The following MED12L variants were observed in gnomAD, a reference collection of about 807,000 sequenced individuals.
MED12L encodes the protein mediator of RNA polymerase II transcription subunit 12-like protein.
A neutral mutation model predicts 281.3 loss-of-function variants in MED12L; 60 were observed. The observed-to-expected ratio is 0.21, with a 90% CI of 0.17 to 0.26. The LOEUF (loss-of-function observed/expected upper bound fraction) is 0.26, where lower values mean the gene tolerates loss of function less well. MED12L is among the 10% of genes least tolerant of loss of function. The pLI, the probability that MED12L is intolerant of heterozygous loss-of-function variation, is 1.00. For synonymous variants in MED12L, 974 were observed against 987.2 expected, an observed-to-expected ratio of 0.99 and a Z score of 0.25; for missense variants, 2,146 against 2,680.9, an observed-to-expected ratio of 0.80 and a Z score of 4.41.
chr3:151,129,853 C>T (rs1715116607), intron 5 of MED12L, among the ~76,000 whole-genome samples: 1 of 152,102 alleles, frequency 6.6e-6, no homozygotes, highest in South Asian at 2.1e-4. Context: ...ACTGCTTCCT[C>T]AAACTCCTGG....
At chr3:151,265,582 C>G (rs1739675465) in intron 16 of MED12L, among the ~76,000 whole-genome samples, 1 of 152,164 alleles carries the variant, frequency 6.6e-6, no homozygotes, top group African/African-American at 2.4e-5. Flanking sequence ...CAGGGTTTCT[C>G]TCTAAGAAAA....
At chr3:151,147,420 G>T (rs1576826944) in intron 5 of MED12L, among the ~76,000 whole-genome samples, 1 of 152,180 alleles carries the variant, frequency 6.6e-6, no homozygotes, top group Admixed American at 6.5e-5. Flanking sequence ...TCTACGGTCA[G>T]TGTTTTTTAG....
intron 39 of MED12L, among the ~76,000 whole-genome samples, chr3:151,408,851 G>A (rs1716635715): frequency 6.6e-6 from 1 of 152,280 alleles, no homozygotes; most frequent in Middle Eastern, 3.4e-3. Flanking sequence ...ATATGCCACC[G>A]TGTGTCTGTA....
chr3:151,121,096 T>C lies in MED12L; in HGVS notation c.205-1687T>C, dbSNP rs1713686076. ...TTGCAAATAAGAGACCTTTTGAATG[T>C]ATAGCAATCTGCAGCTGTAGGTGTT... is the stretch of plus-strand genomic sequence containing the variant. On this transcript the variant is annotated intron_variant, in intron 3 of 44. Coordinates refer to ENST00000687756, the MANE Select transcript of MED12L (RefSeq NM_001393769.1). Among the ~76,000 whole-genome samples, 6 of 152,356 alleles carry C rather than the reference T, an allele frequency of 3.9e-5. No individual in the cohort carries two copies. In the South Asian group the frequency reaches 1.2e-3, roughly 32 times the overall value.
At chr3:151,366,725 G>T (rs1004217611) in intron 23 of MED12L, among the ~76,000 whole-genome samples, 4 of 152,072 alleles carry the variant, frequency 2.6e-5, no homozygotes, top group Admixed American at 2.6e-4. Context: ...ATCAGGACTG[G>T]TTGGATAATC....
intron 2 of MED12L, among the ~76,000 whole-genome samples, chr3:151,109,104 C>T (rs983758166): frequency 6.6e-5 from 10 of 151,438 alleles, no homozygotes; most frequent in Non-Finnish European, 1.2e-4. Flanking sequence ...GTCGCCCAGG[C>T]TGGAGTGCAG....
intron 2 of MED12L, among the ~76,000 whole-genome samples, chr3:151,090,766 G>C (rs543013205): frequency 6.6e-6 from 1 of 152,158 alleles, no homozygotes; most frequent in Non-Finnish European, 1.5e-5. Context: ...AGGGCCAGGC[G>C]TGGTGGCTCA....
intron 39 of MED12L, among the ~76,000 whole-genome samples, chr3:151,405,230 C>T (rs1036371644): frequency 6.6e-6 from 1 of 152,006 alleles, no homozygotes; most frequent in Non-Finnish European, 1.5e-5. Context: ...TAGAGGTAAG[C>T]CCAAAGCAGA....
rs181362354 is a variant in MED12L, at chr3:151,258,400, G to C, written c.2250+64734G>C. Among the ~76,000 whole-genome samples, 37 of 152,232 alleles carry C rather than the reference G, an allele frequency of 2.4e-4. No homozygotes were observed. The East Asian group carries it at 6.0e-3, about 25-fold the overall frequency. Reference sequence around the variant, plus strand: ...ATAAACCAGGTGAAGAAAATTTTCTGTTATTTTCTTGAAGAATAAAATAAA... The same window carrying C: ...ATAAACCAGGTGAAGAAAATTTTCTCTTATTTTCTTGAAGAATAAAATAAA... On this transcript the variant is annotated intron_variant, in intron 16 of 44. Coordinates refer to ENST00000687756, the MANE Select transcript of MED12L (RefSeq NM_001393769.1).
At position 151,176,304 on chromosome 3, in the gene MED12L, A is replaced by T. The variant is rs190163203; in HGVS notation, c.1495-9026A>T. On this transcript the variant is annotated intron_variant, in intron 11 of 44. Transcript: ENST00000687756. ...CTGTATAACAAACATATATACCAGCAGTAATCACTGTTAATTTTGGTCCAT... is the reference window on the plus strand; with the variant it reads ...CTGTATAACAAACATATATACCAGCTGTAATCACTGTTAATTTTGGTCCAT... Among the ~76,000 whole-genome samples, 934 of 152,342 alleles carry T rather than the reference A, an allele frequency of 6.1e-3. 3 individuals carry two copies. Among genetic ancestry groups the T allele is most frequent in the Non-Finnish European group, 0.011 (721 of 68,034 alleles).
rs1345533248 is a variant in MED12L at position 151,413,201 on chromosome 3, C to A, written c.6203C>A (p.Thr2068Asn). Residue 2068 changes from threonine to asparagine, a missense_variant, in exon 42 of 45, where the codon ACT (threonine) becomes AAT (asparagine). Coordinates refer to ENST00000687756, the MANE Select transcript of MED12L (RefSeq NM_001393769.1). ...GGCGGGGGAATTGATGCTGTGCTGA[C>A]TTCTGCACATCCAAACCTTCCCTCC... ...LVGGGIDAVL[T>N]SAHPNLPSVP... 1.2e-6 allele frequency: 2 copies of A among 1,614,074 alleles called. No individual in the cohort carries two copies. Among genetic ancestry groups the A allele is most frequent in the Admixed American group, 1.7e-5 (1 of 60,008 alleles).
At chr3:151,219,994 A>AT (rs1420782770) in intron 16 of MED12L, among the ~76,000 whole-genome samples, 7 of 146,294 alleles carry the variant, frequency 4.8e-5, no homozygotes, top group East Asian at 2.1e-4. Flanking sequence ...TTGCAGGTGG[A>AT]TTTTTTTAAT....
At chr3:151,219,024 C>G (rs962470987) in intron 16 of MED12L, among the ~76,000 whole-genome samples, 3 of 152,038 alleles carry the variant, frequency 2.0e-5, no homozygotes, top group African/African-American at 7.2e-5. Context: ...TGTCTACTGT[C>G]ACTTTGGAGA....
chr3:151,266,141 T>C (rs1178057481), intron 16 of MED12L, among the ~76,000 whole-genome samples: 1 of 152,186 alleles, frequency 6.6e-6, no homozygotes, highest in Non-Finnish European at 1.5e-5. Flanking sequence ...CAGCACAACG[T>C]TGTTACGGCA....
chr3:151,424,284 A>G (rs775882686), intron 43 of MED12L, among the ~76,000 whole-genome samples: 7 of 152,254 alleles, frequency 4.6e-5, no homozygotes, highest in Non-Finnish European at 7.3e-5. Context: ...TGGATAGCCA[A>G]TATATTTGAT....
intron 16 of MED12L, among the ~76,000 whole-genome samples, chr3:151,251,245 C>T (rs1486887895): frequency 1.3e-5 from 2 of 152,180 alleles, no homozygotes; most frequent in African/African-American, 4.8e-5. Flanking sequence ...CCTTTCTACC[C>T]AGATGCTTCT....
intron 36 of MED12L, 54 bp downstream of exon 36, chr3:151,385,245 C>G: frequency 2.1e-6 from 2 of 944,738 alleles, no homozygotes; most frequent in South Asian, 3.4e-5. Flanking sequence ...AGATGAAATA[C>G]TTTTTTTTGT....
intron 4 of MED12L, 145 bp downstream of exon 4, chr3:151,123,119 C>A: frequency 1.6e-6 from 1 of 635,984 alleles, no homozygotes; most frequent in South Asian, 2.2e-5. Context: ...GGTGTTACTC[C>A]ATGCTGTTTT....
intron 22 of MED12L, 67 bp from the exon 23 acceptor site, chr3:151,365,783 G>T: frequency 7.6e-7 from 1 of 1,322,448 alleles, no homozygotes; most frequent in Non-Finnish European, 1.0e-6. Flanking sequence ...TGTTAATTAA[G>T]TATATCACAG....
Sources: allele counts gnomAD v4.1 joint callset (sites outside exome capture counted in the v4.1 genomes callset), GRCh38; gene constraint gnomAD v4.1.1; transcripts MANE v1.5; gene names NCBI Gene and HGNC (gene_info 2026-07-23, HGNC 2026-07-21).